AP3B2: variants seen among roughly 807,000 people sequenced by gnomAD.
AP3B2 encodes the protein adaptor related protein complex 3 subunit beta 2.
A neutral mutation model predicts 126.9 loss-of-function variants in AP3B2; 50 were observed. That is an observed-to-expected ratio of 0.39 (90% CI 0.31 to 0.50). AP3B2 has a LOEUF of 0.50. Among genes scored for constraint, AP3B2 ranks in the 20% least tolerant of loss-of-function variants. The probability of loss-of-function intolerance (pLI) is 0.79; values close to 1 mark genes in which losing one functional copy is unlikely to be tolerated. For synonymous variants in AP3B2, 541 were observed against 565.0 expected (o/e 0.96, Z 0.60); for missense variants, 1,177 against 1,426.4 (o/e 0.83, Z 2.82).
intron 1 of AP3B2, among the ~76,000 whole-genome samples, chr15:82,700,090 T>C (rs1416917646): frequency 6.6e-6 from 1 of 152,106 alleles, no homozygotes; most frequent in Non-Finnish European, 1.5e-5. Context: ...AGGGACTAGA[T>C]GGTCAGTGGA....
In AP3B2 at chr15:82,659,471, A is replaced by T; in HGVS notation, c.*89T>A. ...GCTATCTGGCATGAGGAGGATGATG[A>T]GAGAGAGAGAGAAAGATGAGAGAGA... On this transcript the variant is annotated 3_prime_UTR_variant, in exon 27 of 27. Transcript: ENST00000535359. 1 of 1,321,668 alleles carries T rather than the reference A, an allele frequency of 7.6e-7. No homozygotes were observed. 81.9% of individuals were successfully genotyped at this position (1,321,668 alleles called of 1,614,324 possible). A position where few individuals can be genotyped will look rare whatever the true frequency, so the allele number is the denominator to read the frequency against.
At chr15:82,700,397 C>CTTTTTTTTTTTTTTTTTTTTTTTCT (rs1226910164) in intron 1 of AP3B2, among the ~76,000 whole-genome samples, 1 of 35,086 alleles carries the variant, frequency 2.9e-5, no homozygotes, top group Non-Finnish European at 5.1e-5. Flanking sequence ...TGGTGGGTGG[C>CTTTTTTTTTTTTTTTTTTTTTTTCT]TTTTTTTTTT....
intron 1 of AP3B2, among the ~76,000 whole-genome samples, chr15:82,697,360 A>G (rs912200520): frequency 6.6e-6 from 1 of 152,156 alleles, no homozygotes; most frequent in African/African-American, 2.4e-5. Flanking sequence ...AAAAAAATCA[A>G]TGTGTGCAAA....
intron 14 of AP3B2, among the ~76,000 whole-genome samples, chr15:82,673,729 T>C (rs1185226696): frequency 6.6e-6 from 1 of 152,260 alleles, no homozygotes; most frequent in Admixed American, 6.5e-5. Flanking sequence ...TTTAAACTTA[T>C]AATTTTCTGA....
In AP3B2 at chr15:82,681,605, C is replaced by T. The variant is rs755486583; in HGVS notation, c.361-25G>A. 2 of 1,607,076 alleles carry T rather than the reference C, an allele frequency of 1.2e-6. No homozygotes were observed. The highest frequency in any genetic ancestry group is 1.7e-6 in the Non-Finnish European group (2 of 1,177,794). On this transcript the variant is annotated intron_variant, in intron 4 of 26. Transcript: ENST00000535359. This position sits in a 1 kb window ranked among gnomAD's most constrained non-coding sequence, Gnocchi z 4.0. ...CCTAAAGGCAGAGGTGGAGGCAGAG[C>T]TATGAAAGGGCACCAGGTGCCCTGA...
At chr15:82,683,018 C>A (rs1255860769) in intron 4 of AP3B2, among the ~76,000 whole-genome samples, 2 of 138,218 alleles carry the variant, frequency 1.4e-5, no homozygotes, top group Non-Finnish European at 1.5e-5. Flanking sequence ...GTTGTCATTT[C>A]AACAATGTTC....
intron 1 of AP3B2, among the ~76,000 whole-genome samples, chr15:82,694,449 A>C (rs1458668416): frequency 2.0e-5 from 3 of 151,850 alleles, no homozygotes; most frequent in Admixed American, 6.6e-5. Context: ...ACTTTGGGAG[A>C]CTGAGGCAGA....
intron 1 of AP3B2, among the ~76,000 whole-genome samples, chr15:82,690,424 C>T (rs2048507768): frequency 6.6e-6 from 1 of 151,908 alleles, no homozygotes; most frequent in Non-Finnish European, 1.5e-5. Flanking sequence ...CCACAACAGG[C>T]CCCAGTGTGT....
chr15:82,680,297 A>C lies in AP3B2; in HGVS notation c.1056-68T>G. On this transcript the variant is annotated intron_variant, in intron 8 of 26. Transcript: ENST00000535359. This position sits in a 1 kb window ranked among gnomAD's most constrained non-coding sequence, Gnocchi z 6.1. ...GGGCAAGGGTCAGCGGATGAGGGGA[A>C]AAGGTGGGGCAAGTCGTTGCGGGGA... is the stretch of plus-strand genomic sequence containing the variant. 1.0e-5 allele frequency: 16 copies of C among 1,605,776 alleles called. 1 individual carries two copies. The South Asian group carries it at 1.8e-4, about 18-fold the overall frequency.
At chr15:82,677,907 A>G in intron 11 of AP3B2, 104 bp from the exon 12 acceptor site, 1 of 1,429,200 alleles carries the variant, frequency 7.0e-7, no homozygotes, top group Non-Finnish European at 9.3e-7. Flanking sequence ...GCCGGTGACT[A>G]AGACTTGGGA....
At chr15:82,663,443 T>C (rs2047993021) in intron 21 of AP3B2, 117 bp downstream of exon 21, 1 of 1,234,128 alleles carries the variant, frequency 8.1e-7, no homozygotes, top group Non-Finnish European at 1.2e-6. Context: ...AGATATGTTC[T>C]GTCTGCTCCC....
intron 1 of AP3B2, among the ~76,000 whole-genome samples, chr15:82,690,642 CTTTTTT>C (rs147811093): frequency 1.5e-5 from 1 of 68,926 alleles, no homozygotes; most frequent in Non-Finnish European, 2.6e-5. Context: ...TTTTCTTCTT[CTTTTTT>C]TTTTTTTTTT....
chr15:82,674,280 T>C (rs2048207080), intron 14 of AP3B2, among the ~76,000 whole-genome samples: 1 of 152,014 alleles, frequency 6.6e-6, no homozygotes, highest in Non-Finnish European at 1.5e-5. Flanking sequence ...CCAAACCACC[T>C]CCCTCCTAGT....
rs1275651803 is a variant in AP3B2, at chr15:82,680,770, C to G, written c.772-15G>C. 1 of 1,596,586 alleles carries G rather than the reference C, an allele frequency of 6.3e-7. No homozygotes were observed. Among genetic ancestry groups the G allele is most frequent in the South Asian group, 1.1e-5 (1 of 88,842 alleles). On this transcript the variant is annotated splice_polypyrimidine_tract_variant and intron_variant, in intron 7 of 26. Transcript: ENST00000535359. The surrounding 1 kb of genome is among the most constrained non-coding windows in gnomAD (Gnocchi z 6.1). ...AGTAGGGATTCCTGGACGGGGAGACCGACGGGTCTGTGGGCGCCTCCCCGG... is the reference window on the plus strand; with the variant it reads ...AGTAGGGATTCCTGGACGGGGAGACGGACGGGTCTGTGGGCGCCTCCCCGG...
rs1264684750 is a variant in AP3B2 at position 82,665,324 on chromosome 15, G to A, written c.1972-21C>T. ...TCTTCCTGTGTGTGTGGGGGAGGGT[G>A]TTAGGAGGGCTGGGCCGGCACTGCC... On this transcript the variant is annotated intron_variant, in intron 16 of 26. Transcript: ENST00000535359. The surrounding 1 kb of genome is among the most constrained non-coding windows in gnomAD (Gnocchi z 4.4). 6.3e-7 allele frequency: 1 copy of A among 1,581,826 alleles called. No individual in the cohort carries two copies. The highest frequency in any genetic ancestry group is 1.3e-5 in the African/African-American group (1 of 74,252).
chr15:82,676,333 A>T, intron 14 of AP3B2, 128 bp downstream of exon 14: 1 of 981,460 alleles, frequency 1.0e-6, no homozygotes, highest in Non-Finnish European at 1.5e-6. Flanking sequence ...CAGACCAGCC[A>T]CCTTCCCTGA....
intron 1 of AP3B2, among the ~76,000 whole-genome samples, chr15:82,707,709 A>T (rs1172839288): frequency 7.2e-5 from 11 of 152,152 alleles, no homozygotes; most frequent in Non-Finnish European, 1.6e-4. Flanking sequence ...TAGTCCTTTA[A>T]TACCTGTTTT....
chr15:82,703,805 C>T (rs570541180), intron 1 of AP3B2, among the ~76,000 whole-genome samples: 1 of 152,214 alleles, frequency 6.6e-6, no homozygotes, highest in African/African-American at 2.4e-5. Flanking sequence ...GTCCCAACCC[C>T]AAGCGTCGCT....
At position 82,689,417 on chromosome 15, in the gene AP3B2, C is replaced by T. The variant is rs750423866; in HGVS notation, c.150G>A (p.Lys50=). The part of the protein sequence containing the change: ...DDLKEMLDTN[K]DSLKLEAMKR... Reference sequence around the variant, plus strand: ...TCATGGCCTCCAGCTTGAGAGAATCCTTGTTGGTGTCCAGCATCTCCTTCA... The same window carrying T: ...TCATGGCCTCCAGCTTGAGAGAATCTTTGTTGGTGTCCAGCATCTCCTTCA... The change falls in exon 2 of 27, where the codon AAG becomes AAA. Residue 50 remains lysine (K), a synonymous_variant. Coordinates refer to ENST00000535359, the MANE Select transcript of AP3B2 (RefSeq NM_001278512.2). The T allele has an allele frequency of 1.2e-6, 2 of 1,613,856 alleles. No homozygotes were observed. The highest frequency in any genetic ancestry group is 1.3e-5 in the African/African-American group (1 of 75,038).
Sources: allele counts gnomAD v4.1 joint callset (sites outside exome capture counted in the v4.1 genomes callset), GRCh38; gene constraint gnomAD v4.1.1; non-coding constraint Gnocchi (gnomAD v3.1); transcripts MANE v1.5; gene names NCBI Gene and HGNC (gene_info 2026-07-23, HGNC 2026-07-21).